NCKAP5: variants seen among roughly 807,000 people sequenced by gnomAD.
The protein encoded by NCKAP5 is NCK associated protein 5.
A neutral mutation model predicts 167.0 loss-of-function variants in NCKAP5; 92 were observed. That is an observed-to-expected ratio of 0.55 (90% CI 0.47 to 0.66). The LOEUF (loss-of-function observed/expected upper bound fraction) is 0.66, where lower values mean the gene tolerates loss of function less well. NCKAP5 is among the 30% of genes least tolerant of loss of function. The pLI is 0.00. For synonymous variants in NCKAP5, 891 were observed against 877.4 expected (o/e 1.02, Z -0.27); for missense variants, 2,378 against 2,315.0 (o/e 1.03, Z -0.56).
intron 3 of NCKAP5, among the ~76,000 whole-genome samples, chr2:133,506,485 G>A (rs1041139864): frequency 6.6e-6 from 1 of 152,120 alleles, no homozygotes; most frequent in East Asian, 1.9e-4. Context: ...TTCCAATTGG[G>A]TTCAGCCAGT....
the NCKAP5 span, among the ~76,000 whole-genome samples, chr2:133,661,379 T>C: frequency 4.6e-5 from 7 of 152,182 alleles, no homozygotes; most frequent in Non-Finnish European, 8.8e-5. Context: ...TTTGGTCAGC[T>C]TATGAAATGC....
chr2:133,269,739 C>A (rs867185918), intron 4 of NCKAP5, among the ~76,000 whole-genome samples: 25 of 152,186 alleles, frequency 1.6e-4, no homozygotes, highest in African/African-American at 5.1e-4. Flanking sequence ...ATAGATCACT[C>A]TGGCTCCCAT....
chr2:132,930,132 TC>T (rs1170908670), intron 8 of NCKAP5: 1 of 152,170 alleles, frequency 6.6e-6, no homozygotes, highest in African/African-American at 2.4e-5. Flanking sequence ...TGGTTCTGCT[TC>T]CCTGGTTGAA....
intron 5 of NCKAP5, among the ~76,000 whole-genome samples, chr2:133,210,832 C>G (rs1322917674): frequency 6.6e-6 from 1 of 152,104 alleles, no homozygotes; most frequent in Non-Finnish European, 1.5e-5. Flanking sequence ...TGTGACAAAT[C>G]ATGGAATGGG....
intron 6 of NCKAP5, among the ~76,000 whole-genome samples, chr2:133,040,445 A>G (rs1161802002): frequency 6.6e-6 from 1 of 152,190 alleles, no homozygotes; most frequent in African/African-American, 2.4e-5. Flanking sequence ...AATCAGAGAC[A>G]TGGCATTATC....
intron 3 of NCKAP5, among the ~76,000 whole-genome samples, chr2:133,385,906 T>C (rs1354622241): frequency 6.6e-6 from 1 of 152,116 alleles, no homozygotes; most frequent in Non-Finnish European, 1.5e-5. Context: ...CCCTTTATCA[T>C]TTTTATTGCA....
chr2:133,417,060 T>G (rs988100824), intron 3 of NCKAP5, among the ~76,000 whole-genome samples: 53 of 152,222 alleles, frequency 3.5e-4, no homozygotes, highest in African/African-American at 1.3e-3. Flanking sequence ...AAAAAACACT[T>G]TTCTCCTTAC....
chr2:132,787,428 A>G (rs1047348373), intron 13 of NCKAP5, among the ~76,000 whole-genome samples: 2 of 151,760 alleles, frequency 1.3e-5, no homozygotes, highest in African/African-American at 4.8e-5. Context: ...AATGCACTCT[A>G]TACCAGTTTT....
chr2:133,381,000 C>A (rs1686480714), intron 3 of NCKAP5, among the ~76,000 whole-genome samples: 1 of 152,154 alleles, frequency 6.6e-6, no homozygotes, highest in African/African-American at 2.4e-5. Flanking sequence ...CCTCTTATCC[C>A]ACAAAATTGT....
intron 9 of NCKAP5, among the ~76,000 whole-genome samples, chr2:132,878,109 G>C (rs1691425881): frequency 6.6e-6 from 1 of 152,182 alleles, no homozygotes; most frequent in South Asian, 2.1e-4. Flanking sequence ...GAGACAGGAT[G>C]CGTCGGTGAT....
chr2:132,745,714 C>T (rs1190566383), intron 16 of NCKAP5, among the ~76,000 whole-genome samples: 1 of 151,706 alleles, frequency 6.6e-6, no homozygotes, highest in Non-Finnish European at 1.5e-5. Context: ...AGGGATCTCC[C>T]AAAACACTAT....
intron 8 of NCKAP5, chr2:132,954,554 A>G: frequency 2.4e-6 from 1 of 423,906 alleles, no homozygotes; most frequent in South Asian, 1.7e-5. Context: ...GCCAACAGTG[A>G]GGATTAAATA....
At chr2:133,437,352 C>CAA (rs564454422) in intron 3 of NCKAP5, among the ~76,000 whole-genome samples, 17 of 127,192 alleles carry the variant, frequency 1.3e-4, no homozygotes, top group African/African-American at 3.5e-4. Flanking sequence ...GACTCTGTCT[C>CAA]AAAAAAAAAA....
chr2:133,316,848 G>T (rs1450029280), intron 3 of NCKAP5, among the ~76,000 whole-genome samples: 1 of 152,158 alleles, frequency 6.6e-6, no homozygotes, highest in Non-Finnish European at 1.5e-5. Flanking sequence ...GCAGGCTGTT[G>T]TTTGTATTAA....
Position 132,731,939 on chromosome 2 carries a change from G to A in NCKAP5, c.5241C>T (p.Asp1747=), listed in dbSNP as rs571370444. The A allele has an allele frequency of 7.9e-5, 128 of 1,613,930 alleles. 1 individual carries two copies. The highest frequency in any genetic ancestry group is 6.6e-4 in the Middle Eastern group (4 of 6,062). The part of the protein sequence containing the change: ...RYLCQPDSPE[D]AEPLLPLQSA... The stretch of plus-strand genomic sequence containing the variant: ...ACTGGAGAGGCAGGAGAGGCTCAGC[G>A]TCCTCTGGGGAGTCTGGCTGGCATA... The change falls in exon 17 of 20, where the codon GAC becomes GAT. Residue 1747 remains aspartate, a synonymous_variant. Coordinates refer to ENST00000409261, the MANE Select transcript of NCKAP5 (RefSeq NM_207363.3).
intron 2 of NCKAP5, among the ~76,000 whole-genome samples, chr2:133,531,258 A>G (rs1685341339): frequency 6.6e-6 from 1 of 152,176 alleles, no homozygotes; most frequent in African/African-American, 2.4e-5. Flanking sequence ...ATTTATTAAT[A>G]GTTATTGCAT....
chr2:133,166,398 C>T (rs2084003604), intron 5 of NCKAP5, among the ~76,000 whole-genome samples: 1 of 152,146 alleles, frequency 6.6e-6, no homozygotes. Flanking sequence ...TCTTCACAAA[C>T]ATTTAAATGG....
intron 19 of NCKAP5, among the ~76,000 whole-genome samples, chr2:132,691,354 C>A (rs949443354): frequency 1.3e-5 from 2 of 152,084 alleles, no homozygotes; most frequent in Non-Finnish European, 2.9e-5. Context: ...GACAATGAAT[C>A]CTAAAATTCT....
intron 3 of NCKAP5, among the ~76,000 whole-genome samples, chr2:133,371,175 G>T (rs1461359932): frequency 6.6e-6 from 1 of 152,172 alleles, no homozygotes; most frequent in Non-Finnish European, 1.5e-5. Context: ...AAATAACAGA[G>T]AATCTGCTGG....
Sources: gnomAD v4.1 joint callset for allele counts (sites outside exome capture counted in the v4.1 genomes callset) on GRCh38, gnomAD v4.1.1 for gene constraint, MANE v1.5 for transcripts, NCBI Gene and HGNC (gene_info 2026-07-23, HGNC 2026-07-21) for gene names.